SLC1A6: variants seen among roughly 807,000 people sequenced by gnomAD.
SLC1A6 encodes solute carrier family 1 member 6.
Under a neutral mutation model 42.1 loss-of-function variants are expected in SLC1A6, and 15 were observed. The ratio of observed to expected loss-of-function variants is 0.36; its 90% CI spans 0.24 to 0.55. SLC1A6 has a LOEUF of 0.55. Ranked by LOEUF, SLC1A6 falls within the 20% of genes least tolerant of loss-of-function variation. SLC1A6 has a pLI of 0.88. For synonymous variants in SLC1A6, 317 were observed against 319.7 expected (o/e 0.99, Z 0.09); for missense variants, 542 against 772.5 (o/e 0.70, Z 3.54).
At chr19:15,000,098 T>C (rs2045865948) in intron 1 of SLC1A6, among the ~76,000 whole-genome samples, 1 of 151,448 alleles carries the variant, frequency 6.6e-6, no homozygotes, top group Non-Finnish European at 1.5e-5. Flanking sequence ...ATGATTTTGC[T>C]CAACTCTAGG....
chr19:15,000,776 A>T (rs192276397), intron 1 of SLC1A6, among the ~76,000 whole-genome samples: 1 of 152,258 alleles, frequency 6.6e-6, no homozygotes, highest in East Asian at 1.9e-4. Flanking sequence ...CACATGGCCA[A>T]CTTGTCATAA....
chr19:15,009,244 A>G lies in SLC1A6; in HGVS notation c.6+1241T>C, dbSNP rs2045912525. 4.9e-5 allele frequency among the ~76,000 whole-genome samples: 7 copies of G among 143,862 alleles called. No individual in the cohort carries two copies. In the South Asian group the frequency reaches 1.3e-3, roughly 27 times the overall value. 94.4% of individuals were successfully genotyped at this position (143,862 alleles called of 152,430 possible). ...TATCACATAGATATGCTATCTAAAT[A>G]GCATATATATCACATAGATATCTAT... On this transcript the variant is annotated intron_variant, in intron 1 of 8. Transcript: ENST00000430939.
intron 5 of SLC1A6, among the ~76,000 whole-genome samples, chr19:14,962,909 CA>C (rs976017668): frequency 1.3e-5 from 2 of 150,536 alleles, no homozygotes; most frequent in Non-Finnish European, 3.0e-5. Flanking sequence ...CTCAAAAAAA[CA>C]AAAAAAAATT....
intron 1 of SLC1A6, among the ~76,000 whole-genome samples, chr19:15,002,126 G>T (rs1362518151): frequency 6.6e-6 from 1 of 151,980 alleles, no homozygotes; most frequent in Non-Finnish European, 1.5e-5. Flanking sequence ...ATCTTGCTGT[G>T]TTACCCAGGC....
rs559823556 is a variant in SLC1A6, at chr19:15,001,296, C to T, written c.6+9189G>A. On this transcript the variant is annotated intron_variant, in intron 1 of 8. Transcript: ENST00000430939. ...AGAGCTACGAGGGGAGGAGGGATGG[C>T]GTATAGCCCGGTGGTGTGAGACCTC... 1.6e-3 allele frequency among the ~76,000 whole-genome samples: 244 copies of T among 152,140 alleles called. 1 individual carries two copies. Among genetic ancestry groups the T allele is most frequent in the Admixed American group, 4.0e-3 (61 of 15,276 alleles).
chr19:14,987,581 C>T (rs1026786798), intron 1 of SLC1A6, among the ~76,000 whole-genome samples: 2 of 152,024 alleles, frequency 1.3e-5, no homozygotes, highest in African/African-American at 4.8e-5. Context: ...TGTCCGAGTG[C>T]GCAGGTGATA....
chr19:14,968,815 GTCTTGTTTTC>G (rs2045604000), intron 3 of SLC1A6, among the ~76,000 whole-genome samples: 1 of 151,410 alleles, frequency 6.6e-6, no homozygotes, highest in Non-Finnish European at 1.5e-5. Flanking sequence ...CCTCTATTGA[GTCTTGTTTTC>G]TCTTGTTTTG....
chr19:15,005,654 T>C (rs184323511), intron 1 of SLC1A6, among the ~76,000 whole-genome samples: 3 of 152,266 alleles, frequency 2.0e-5, no homozygotes, highest in Non-Finnish European at 2.9e-5. Flanking sequence ...AAACTGGGAT[T>C]GGGAGATGGA....
At chr19:15,004,250 T>G (rs1232916621) in intron 1 of SLC1A6, among the ~76,000 whole-genome samples, 2 of 152,088 alleles carry the variant, frequency 1.3e-5, no homozygotes, top group Non-Finnish European at 2.9e-5. Context: ...GTTAGAAGTA[T>G]TTGGGCTTCA....
chr19:14,996,528 T>TTCTTCTTCTTCTTCTTCTTCTTCTTC (rs2045846808), intron 1 of SLC1A6, among the ~76,000 whole-genome samples: 1 of 125,852 alleles, frequency 7.9e-6, no homozygotes, highest in African/African-American at 3.1e-5. Flanking sequence ...CCTCCTCCTC[T>TTCTTCTTCTTCTTCTTCTTCTTCTTC]TTCTTCTTCT....
chr19:14,978,525 A>G (rs368401228), intron 1 of SLC1A6, among the ~76,000 whole-genome samples: 11 of 152,026 alleles, frequency 7.2e-5, no homozygotes, highest in African/African-American at 2.7e-4. Context: ...ACACACACCC[A>G]CACAAACCTT....
intron 1 of SLC1A6, among the ~76,000 whole-genome samples, chr19:14,978,747 C>G (rs975151802): frequency 1.3e-5 from 2 of 151,540 alleles, no homozygotes; most frequent in African/African-American, 4.9e-5. Flanking sequence ...TTCAGAAATG[C>G]AATTCCAGGC....
At chr19:14,953,673 A>G (rs572418763) in intron 8 of SLC1A6, among the ~76,000 whole-genome samples, 41 of 152,286 alleles carry the variant, frequency 2.7e-4, no homozygotes, top group African/African-American at 9.4e-4. Context: ...CCGATATGCC[A>G]TTTTAAACAG....
chr19:14,999,529 C>G (rs566891711), intron 1 of SLC1A6, among the ~76,000 whole-genome samples: 3 of 152,358 alleles, frequency 2.0e-5, no homozygotes, highest in African/African-American at 7.2e-5. Context: ...TCCTGTGTCA[C>G]AGGCCTGTCA....
rs150075478 is a variant in SLC1A6 at position 14,960,636 on chromosome 19, T to C, written c.935+1366A>G. 2.4e-3 allele frequency among the ~76,000 whole-genome samples: 370 copies of C among 152,296 alleles called. 1 individual carries two copies. The highest frequency in any genetic ancestry group is 8.7e-3 in the African/African-American group (361 of 41,546). ...TCACTTGTGACAACACAGATGAACC[T>C]GGAGGACATTATGCTAATTGAAATA... On this transcript the variant is annotated intron_variant, in intron 6 of 9. Coordinates refer to ENST00000594383, the MANE Select transcript of SLC1A6 (RefSeq NM_005071.3).
chr19:14,995,343 AAG>A (rs796510692), intron 1 of SLC1A6, among the ~76,000 whole-genome samples: 12,597 of 75,316 alleles, frequency 0.17, 1,279 homozygotes, highest in East Asian at 0.5. Flanking sequence ...AAAAAAAAAA[AAG>A]AAAGAAAGAA....
chr19:14,992,309 A>G (rs906967499), intron 1 of SLC1A6, among the ~76,000 whole-genome samples: 1 of 152,114 alleles, frequency 6.6e-6, no homozygotes, highest in Non-Finnish European at 1.5e-5. Context: ...GATATTTTGT[A>G]TGTGGGACTG....
At chr19:14,985,574 C>A (rs2045788916) in intron 1 of SLC1A6, among the ~76,000 whole-genome samples, 1 of 152,232 alleles carries the variant, frequency 6.6e-6, no homozygotes, top group African/African-American at 2.4e-5. Flanking sequence ...GAAACAGATG[C>A]CAGTGCCATG....
intron 1 of SLC1A6, among the ~76,000 whole-genome samples, chr19:14,993,356 A>C (rs2045830164): frequency 6.6e-6 from 1 of 152,076 alleles, no homozygotes; most frequent in South Asian, 2.1e-4. Context: ...CTGTAGTCAA[A>C]CTTGATAATG....
Sources: gnomAD v4.1 joint callset for allele counts (sites outside exome capture counted in the v4.1 genomes callset) on GRCh38, gnomAD v4.1.1 for gene constraint, MANE v1.5 for transcripts, NCBI Gene and HGNC (gene_info 2026-07-23, HGNC 2026-07-21) for gene names.